Variants in MON2 observed in about 807,000 individuals in gnomAD.
The protein encoded by MON2 is MON2 regulator of endosome-to-Golgi trafficking, also known as protein MON2 homolog.
Under a neutral mutation model 208.6 loss-of-function variants are expected in MON2, and 84 were observed. The observed-to-expected ratio is 0.40, with a 90% CI of 0.34 to 0.48. The LOEUF is 0.48. Ranked by LOEUF, MON2 falls within the 20% of genes least tolerant of loss-of-function variation. The pLI, the probability that MON2 is intolerant of heterozygous loss-of-function variation, is 0.59. For missense variants in MON2, 1,611 were observed against 2,015.4 expected (o/e 0.80, Z 3.84); for synonymous variants, 660 against 694.0 (o/e 0.95, Z 0.77).
At chr12:62,577,639 G>A (rs1249621487) in intron 30 of MON2, among the ~76,000 whole-genome samples, 1 of 152,012 alleles carries the variant, frequency 6.6e-6, no homozygotes, top group Non-Finnish European at 1.5e-5. Flanking sequence ...GGGCATATTA[G>A]TAGGCATTCT....
In MON2 at chr12:62,552,972, A is replaced by C. The variant is rs1420802321; in HGVS notation, c.3008A>C (p.Glu1003Ala). The change falls in exon 24 of 35, where the codon GAG becomes GCG. Residue 1003 changes from glutamate (E) to alanine (A), a missense_variant. Transcript: ENST00000393630. ...GCAGCACAGCAAAAGCAGGCAGAAGAGAAAGGAGTTGTTTTAAATCGGCCA... is the reference window on the plus strand; with the variant it reads ...GCAGCACAGCAAAAGCAGGCAGAAGCGAAAGGAGTTGTTTTAAATCGGCCA... Reference protein sequence around the residue: ...EEAAQQKQAEEKGVVLNRPFH... With the variant: ...EEAAQQKQAEAKGVVLNRPFH... 6.2e-7 allele frequency: 1 copy of C among 1,614,216 alleles called. No homozygotes were observed. Among genetic ancestry groups the C allele is most frequent in the South Asian group, 1.1e-5 (1 of 91,088 alleles).
intron 22 of MON2, among the ~76,000 whole-genome samples, chr12:62,547,825 C>T (rs1402458178): frequency 6.6e-6 from 1 of 152,096 alleles, no homozygotes; most frequent in Non-Finnish European, 1.5e-5. Context: ...GCAAGCTGTA[C>T]AGGTTTGTAG....
intron 1 of MON2, among the ~76,000 whole-genome samples, chr12:62,475,173 C>T (rs1024581288): frequency 1.3e-5 from 2 of 152,112 alleles, no homozygotes; most frequent in Non-Finnish European, 2.9e-5. Flanking sequence ...ACTAGGTTAC[C>T]TGCTAGTCTC....
intron 1 of MON2, among the ~76,000 whole-genome samples, chr12:62,472,235 G>A (rs2068825173): frequency 6.6e-6 from 1 of 152,180 alleles, no homozygotes; most frequent in African/African-American, 2.4e-5. Flanking sequence ...AAGAGCAGTG[G>A]GGTTGGGGAG....
chr12:62,544,982 C>T lies in MON2; in HGVS notation c.2551C>T (p.His851Tyr), dbSNP rs763609825. Reference sequence around the variant, plus strand: ...TATTAAAGCAGGATTAACATTTAACCATGATCCTCCACTCTCACAAAACCA... The same window carrying T: ...TATTAAAGCAGGATTAACATTTAACTATGATCCTCCACTCTCACAAAACCA... ...SLIKAGLTFN[H>Y]DPPLSQNQRL... is the part of the protein sequence containing the mutation. Residue 851 changes from histidine to tyrosine, a missense_variant, in exon 21 of 35, where the codon CAT becomes TAT. Coordinates refer to ENST00000393630, the MANE Select transcript of MON2 (RefSeq NM_015026.3). The T allele has an allele frequency of 1.3e-6, 2 of 1,597,696 alleles. No homozygotes were observed. Among genetic ancestry groups the T allele is most frequent in the South Asian group, 2.3e-5 (2 of 87,664 alleles).
At chr12:62,567,191 A>C (rs1425688411) in intron 29 of MON2, among the ~76,000 whole-genome samples, 1 of 152,158 alleles carries the variant, frequency 6.6e-6, no homozygotes, top group Non-Finnish European at 1.5e-5. Flanking sequence ...TGTACCTTAT[A>C]TTGATTGTAT....
At chr12:62,467,959 T>C (rs997960556) in intron 1 of MON2, among the ~76,000 whole-genome samples, 1 of 147,028 alleles carries the variant, frequency 6.8e-6, no homozygotes, top group Non-Finnish European at 1.5e-5. Context: ...CTTCGGGTTT[T>C]TTTTTCCAGC....
intron 1 of MON2, among the ~76,000 whole-genome samples, chr12:62,478,470 A>G (rs2069214835): frequency 1.3e-5 from 2 of 152,238 alleles, no homozygotes; most frequent in Admixed American, 6.5e-5. Context: ...CAAAATCAGA[A>G]GGACCTGCAC....
chr12:62,556,487 G>A (rs191715269), intron 25 of MON2, among the ~76,000 whole-genome samples: 153 of 152,248 alleles, frequency 1.0e-3, no homozygotes, highest in African/African-American at 3.7e-3. Context: ...TGTGAGCTTC[G>A]GTAAGTATTT....
At chr12:62,566,531 A>C in intron 29 of MON2, 81 bp downstream of exon 29, 1 of 1,213,658 alleles carries the variant, frequency 8.2e-7, no homozygotes, top group Non-Finnish European at 1.1e-6. Context: ...CATTATCATT[A>C]TATTGGGATA....
chr12:62,473,104 A>G (rs997406608), intron 1 of MON2, among the ~76,000 whole-genome samples: 2 of 152,204 alleles, frequency 1.3e-5, no homozygotes, highest in African/African-American at 2.4e-5. Flanking sequence ...TGAGTCTCCT[A>G]AAAAAGCACA....
At position 62,593,509 on chromosome 12, in the gene MON2, T is replaced by G. The variant is rs117752865; in HGVS notation, c.*760T>G. 4 of 152,672 alleles carry G rather than the reference T, an allele frequency of 2.6e-5. No homozygotes were observed. In the East Asian group the frequency reaches 7.7e-4, roughly 29 times the overall value. The allele number at this position is 152,672 out of a possible 1,614,324, so 9.5% of individuals were successfully genotyped here. On this transcript the variant is annotated 3_prime_UTR_variant, in exon 35 of 35. Transcript: ENST00000393630. ...TCATGTGAACACAGCAGCAAATAGT[T>G]TATGATTTGCTGATTTTGGAGCTTT...
Position 62,560,774 on chromosome 12 carries a change from T to C in MON2, c.3693T>C (p.Thr1231=), listed in dbSNP as rs1454004050. 1.2e-6 allele frequency: 2 copies of C among 1,614,162 alleles called. No homozygotes were observed. Among genetic ancestry groups the C allele is most frequent in the Non-Finnish European group, 1.7e-6 (2 of 1,180,000 alleles). Reference sequence around the variant, plus strand: ...GTAGCTCTGAGCCACCCATTGTTACTGATGAGCTTGAAGATTTGAATCTAT... The same window carrying C: ...GTAGCTCTGAGCCACCCATTGTTACCGATGAGCTTGAAGATTTGAATCTAT... ...RYSSSEPPIV[T]DELEDLNLWW... The change falls in exon 26 of 35, where the codon ACT becomes ACC. Residue 1231 remains threonine (T), a synonymous_variant. Coordinates refer to ENST00000393630, the MANE Select transcript of MON2 (RefSeq NM_015026.3).
At chr12:62,522,896 A>T (rs944871502) in intron 8 of MON2, among the ~76,000 whole-genome samples, 1 of 152,216 alleles carries the variant, frequency 6.6e-6, no homozygotes, top group African/African-American at 2.4e-5. Flanking sequence ...TTCCAGTATA[A>T]ATTGATAAAT....
At chr12:62,548,162 A>C (rs1453840734) in intron 22 of MON2, among the ~76,000 whole-genome samples, 1 of 152,228 alleles carries the variant, frequency 6.6e-6, no homozygotes, top group South Asian at 2.1e-4. Flanking sequence ...AATTTTATAG[A>C]TATCACTGTG....
At chr12:62,582,596 T>C (rs1276059904) in intron 32 of MON2, among the ~76,000 whole-genome samples, 2 of 152,146 alleles carry the variant, frequency 1.3e-5, no homozygotes, top group Non-Finnish European at 2.9e-5. Context: ...AAAGACAGCA[T>C]TGACATGGTT....
intron 25 of MON2, among the ~76,000 whole-genome samples, chr12:62,556,767 G>A (rs1364693229): frequency 6.6e-6 from 1 of 152,128 alleles, no homozygotes; most frequent in Non-Finnish European, 1.5e-5. Flanking sequence ...TCCAGATCAT[G>A]TAGAATGTGT....
At chr12:62,497,314 TAAAAA>T (rs960994930) in intron 4 of MON2, among the ~76,000 whole-genome samples, 1 of 151,792 alleles carries the variant, frequency 6.6e-6, no homozygotes. Context: ...TAAAGTATAA[TAAAAA>T]AAATTCATTC....
rs1484398681 is a variant in MON2 at position 62,570,052 on chromosome 12, C to CATTA, written c.4324-1340_4324-1339insATTA. On this transcript the variant is annotated intron_variant, in intron 29 of 34. Coordinates refer to ENST00000393630, the MANE Select transcript of MON2 (RefSeq NM_015026.3). ...ATGCCAAAACTGTTTGTCAGTGGTG[C>CATTA]TGTGTGTTAGTTCATTATGATGTTT... 3.3e-5 allele frequency among the ~76,000 whole-genome samples: 5 copies of CATTA among 152,226 alleles called. No homozygotes were observed. In the South Asian group the frequency reaches 1.0e-3, roughly 32 times the overall value.
Sources: gnomAD v4.1 joint callset for allele counts (sites outside exome capture counted in the v4.1 genomes callset) on GRCh38, gnomAD v4.1.1 for gene constraint, MANE v1.5 for transcripts, NCBI Gene and HGNC (gene_info 2026-07-23, HGNC 2026-07-21) for gene names.